ZNF75D: variants seen among roughly 807,000 people sequenced by gnomAD.
The protein encoded by ZNF75D is zinc finger protein 75.
ZNF75D carries 33 observed loss-of-function variants against 33.3 expected under a neutral mutation model. The observed-to-expected ratio is 0.99, with a 90% CI of 0.75 to 1.32. The LOEUF (loss-of-function observed/expected upper bound fraction) is 1.32. Among genes scored for constraint, ZNF75D ranks in the 40% most tolerant of loss-of-function variants. ZNF75D has a pLI of 0.00. For synonymous variants in ZNF75D, 113 were observed against 130.6 expected (o/e 0.87, Z 0.92); for missense variants, 338 against 367.5 (o/e 0.92, Z 0.66).
rs2083966835 is a variant in ZNF75D at position 135,287,244 on chromosome X, G to A, written c.1426C>T (p.Pro476Ser). 8.3e-7 allele frequency: 1 copy of A among 1,211,473 alleles called. No homozygotes were observed. Among genetic ancestry groups the A allele is most frequent in the Non-Finnish European group, 1.1e-6 (1 of 895,142 alleles). The change falls in exon 7 of 7, where the codon CCT (proline) becomes TCT (serine). Residue 476 changes from proline to serine, a missense_variant. Transcript: ENST00000370766. ...KHQRTHTGEQ[P>S]YTCSLCKRNF... ...CTCTTGCATAAGCTACACGTATAAG[G>A]CTGCTCACCTGTGTGAGTTCTCTGG...
intron 1 of ZNF75D, among the ~76,000 whole-genome samples, chrX:135,325,401 T>A (rs1023615826): frequency 3.6e-5 from 4 of 110,752 alleles, no homozygotes; most frequent in African/African-American, 1.3e-4. Context: ...GGGAGCCCCT[T>A]TCTGGGCTGG....
intron 1 of ZNF75D, among the ~76,000 whole-genome samples, chrX:135,257,184 C>G (rs782229883): frequency 1.8e-5 from 2 of 112,790 alleles, no homozygotes; most frequent in South Asian, 7.3e-4. Flanking sequence ...TAAGTACCAG[C>G]TCAGCCAGTG....
chrX:135,287,629 C>G lies in ZNF75D; in HGVS notation c.1041G>C (p.Glu347Asp). The G allele has an allele frequency of 1.7e-6, 2 of 1,210,989 alleles. No homozygotes were observed. Among genetic ancestry groups the G allele is most frequent in the Non-Finnish European group, 2.2e-6 (2 of 895,356 alleles). ...CATGAAGATCCATAAGTTTTGGAAG[C>G]TCTTGTTTACAAGTTGCAGGTTTCT... ...KRKKPATCKQ[E>D]LPKLMDLHGK... is the part of the protein sequence containing the mutation. The change falls in exon 7 of 7, where the codon GAG (glutamate) becomes GAC (aspartate). Residue 347 changes from glutamate (E) to aspartate (D), a missense_variant. This residue lies in a region of ZNF75D where 254 missense variants were observed against 267.7 expected (regional missense o/e 0.95). Coordinates refer to ENST00000370766, the MANE Select transcript of ZNF75D (RefSeq NM_007131.5).
In ZNF75D at chrX:135,311,585, C is replaced by T. The variant is rs985030855; in HGVS notation, c.-390-15546G>A. Among the ~76,000 whole-genome samples the T allele has an allele frequency of 2.7e-5, 3 of 111,798 alleles. No individual in the cohort carries two copies. In the East Asian group the frequency reaches 8.4e-4, roughly 31 times the overall value. ...TAAAATCTACTCTTTTATCAGTTTT[C>T]AAGAATACAATACAGTTAGTTACTA... is the stretch of plus-strand genomic sequence containing the variant. On this transcript the variant is annotated intron_variant, in intron 1 of 6. Coordinates refer to ENST00000370766, the MANE Select transcript of ZNF75D (RefSeq NM_007131.5).
At chrX:135,298,163 G>C (rs1285855298) in intron 1 of ZNF75D, 1 of 111,190 alleles carries the variant, frequency 9.0e-6, no homozygotes, top group Non-Finnish European at 1.9e-5. Context: ...CAGCTTAGAG[G>C]AGGAAAAATG....
intron 1 of ZNF75D, among the ~76,000 whole-genome samples, chrX:135,332,990 G>GA: frequency 9.0e-6 from 1 of 111,640 alleles, no homozygotes; most frequent in Non-Finnish European, 1.9e-5. Context: ...ACTTACTGGG[G>GA]AAATTAAGTA....
chrX:135,262,439 G>A (rs1260871378), intron 1 of ZNF75D, among the ~76,000 whole-genome samples: 3 of 112,122 alleles, frequency 2.7e-5, no homozygotes, highest in Non-Finnish European at 5.6e-5. Context: ...CCTATCAAAC[G>A]TAGATTTGGT....
At chrX:135,289,934 A>G (rs1602602254) in intron 6 of ZNF75D, among the ~76,000 whole-genome samples, 1 of 111,851 alleles carries the variant, frequency 8.9e-6, no homozygotes, top group East Asian at 2.8e-4. Flanking sequence ...TTGCAAAAAT[A>G]TATCAATGAC....
intron 1 of ZNF75D, among the ~76,000 whole-genome samples, chrX:135,259,552 T>C (rs181674995): frequency 1.8e-5 from 2 of 111,618 alleles, no homozygotes; most frequent in African/African-American, 6.5e-5. Context: ...ATTCTCTTTG[T>C]AGCAATTGTG....
chrX:135,323,454 G>A (rs1218280033), intron 1 of ZNF75D, among the ~76,000 whole-genome samples: 1 of 112,121 alleles, frequency 8.9e-6, no homozygotes, highest in Non-Finnish European at 1.9e-5. Context: ...TTGCTTTTAG[G>A]AGCAAGAAGT....
chrX:135,286,954 A>C lies in ZNF75D; in HGVS notation c.*183T>G. 2.3e-6 allele frequency: 1 copy of C among 430,275 alleles called. No homozygotes were observed. The highest frequency in any genetic ancestry group is 4.0e-5 in the South Asian group (1 of 24,771). The allele number at this position is 430,275 out of a possible 1,213,427, so 35.5% of individuals were successfully genotyped here. ...TTTATAAAGTACTCCTTATGTATCA[A>C]CTCTTGTGCTAGGCACAGAAGATGC... On this transcript the variant is annotated 3_prime_UTR_variant, in exon 7 of 7. Coordinates refer to ENST00000370766, the MANE Select transcript of ZNF75D (RefSeq NM_007131.5).
At chrX:135,276,852 G>A (rs1262150480) in intron 1 of ZNF75D, among the ~76,000 whole-genome samples, 9 of 111,761 alleles carry the variant, frequency 8.1e-5, no homozygotes, top group African/African-American at 2.0e-4. Flanking sequence ...ATAGTATTCC[G>A]TGGTGTATAT....
chrX:135,296,412 C>T (rs1361591798), intron 1 of ZNF75D, among the ~76,000 whole-genome samples: 1 of 111,638 alleles, frequency 9.0e-6, no homozygotes, highest in Non-Finnish European at 1.9e-5. Context: ...CTACCAGGAG[C>T]CTCACCCAGT....
At chrX:135,271,044 A>T (rs187389638) in intron 1 of ZNF75D, among the ~76,000 whole-genome samples, 7 of 111,808 alleles carry the variant, frequency 6.3e-5, no homozygotes, top group African/African-American at 2.3e-4. Context: ...TTGTGAGTAC[A>T]GAACTTGAGT....
intron 1 of ZNF75D, among the ~76,000 whole-genome samples, chrX:135,313,626 T>C (rs1556429841): frequency 8.9e-6 from 1 of 112,216 alleles, no homozygotes; most frequent in Non-Finnish European, 1.9e-5. Flanking sequence ...GGAATGTCTT[T>C]CCATTTGTTT....
chrX:135,327,425 T>C (rs1464893133), intron 1 of ZNF75D, among the ~76,000 whole-genome samples: 5 of 112,179 alleles, frequency 4.5e-5, no homozygotes, highest in African/African-American at 1.6e-4. Context: ...CAGGACATGA[T>C]TGGTTAAGTG....
chrX:135,332,775 C>G (rs1221737350), intron 1 of ZNF75D, among the ~76,000 whole-genome samples: 1 of 111,873 alleles, frequency 8.9e-6, no homozygotes, highest in African/African-American at 3.3e-5. Flanking sequence ...AACTACTCAT[C>G]ATCTCACAGG....
chrX:135,314,655 T>A (rs183713326), intron 1 of ZNF75D, among the ~76,000 whole-genome samples: 1 of 111,802 alleles, frequency 8.9e-6, no homozygotes, highest in African/African-American at 3.2e-5. Flanking sequence ...TTAATGTTAC[T>A]ACTTGTTATT....
chrX:135,261,432 A>T (rs1556415486), intron 1 of ZNF75D, among the ~76,000 whole-genome samples: 2 of 111,709 alleles, frequency 1.8e-5, no homozygotes, highest in Non-Finnish European at 3.8e-5. Flanking sequence ...GTGGGAGCTA[A>T]GTCTCTTTGC....
Sources: gnomAD v4.1 joint callset for allele counts (sites outside exome capture counted in the v4.1 genomes callset) on GRCh38, gnomAD v4.1.1 for gene constraint, gnomAD v4.1.1 regional missense constraint, MANE v1.5 for transcripts, NCBI Gene and HGNC (gene_info 2026-07-23, HGNC 2026-07-21) for gene names.